The following LRP1B variants were observed in gnomAD, a reference collection of about 807,000 sequenced individuals.
The protein encoded by LRP1B is LDL receptor related protein 1B, also known as low-density lipoprotein receptor-related protein 1B.
In LRP1B, 217 loss-of-function variants were observed where a neutral mutation model predicts 556.6. The observed-to-expected ratio is 0.39, with a 90% CI of 0.35 to 0.44. The LOEUF is 0.44. Among genes scored for constraint, LRP1B ranks in the 20% least tolerant of loss-of-function variants. The probability of loss-of-function intolerance (pLI) is 1.00; values close to 1 mark genes in which losing one functional copy is unlikely to be tolerated. For synonymous variants in LRP1B, 2,047 were observed against 1,865.8 expected (o/e 1.10, Z -2.50); for missense variants, 5,053 against 5,620.8 (o/e 0.90, Z 3.23).
intron 12 of LRP1B, among the ~76,000 whole-genome samples, chr2:141,017,840 T>C (rs1697951044): frequency 6.6e-6 from 1 of 151,300 alleles, no homozygotes; most frequent in Non-Finnish European, 1.5e-5. Context: ...ACAAAAAAAA[T>C]ACAAAAAGTA....
intron 2 of LRP1B, among the ~76,000 whole-genome samples, chr2:141,499,724 G>C (rs751664491): frequency 6.6e-6 from 1 of 151,658 alleles, no homozygotes; most frequent in Non-Finnish European, 1.5e-5. Context: ...GACATGATTG[G>C]CAAATAAAAA....
chr2:141,851,330 A>G (rs1574426983), intron 1 of LRP1B, among the ~76,000 whole-genome samples: 1 of 151,994 alleles, frequency 6.6e-6, no homozygotes, highest in East Asian at 1.9e-4. Context: ...CTTGGTGACC[A>G]TCCCCTAGGT....
At chr2:140,706,184 T>C (rs1208228027) in intron 37 of LRP1B, among the ~76,000 whole-genome samples, 1 of 152,134 alleles carries the variant, frequency 6.6e-6, no homozygotes, top group African/African-American at 2.4e-5. Flanking sequence ...TTTTGACCAG[T>C]AGGTTCAGAC....
intron 20 of LRP1B, among the ~76,000 whole-genome samples, chr2:140,943,707 C>G (rs1306576540): frequency 6.6e-6 from 1 of 151,934 alleles, no homozygotes; most frequent in East Asian, 1.9e-4. Context: ...TATTTAAAAA[C>G]TTCTTTGAAA....
intron 32 of LRP1B, among the ~76,000 whole-genome samples, chr2:140,812,679 A>G (rs1690970248): frequency 6.6e-6 from 1 of 152,036 alleles, no homozygotes; most frequent in Non-Finnish European, 1.5e-5. Context: ...ATTAAAAGGC[A>G]TAAATTTTTA....
chr2:141,175,096 T>G (rs995486974), intron 7 of LRP1B, among the ~76,000 whole-genome samples: 2 of 152,048 alleles, frequency 1.3e-5, no homozygotes, highest in African/African-American at 4.8e-5. Flanking sequence ...GCATTCAAGA[T>G]GTGACCTGGC....
intron 20 of LRP1B, among the ~76,000 whole-genome samples, chr2:140,946,667 C>T (rs542602896): frequency 1.3e-5 from 2 of 152,166 alleles, no homozygotes; most frequent in East Asian, 1.9e-4. Context: ...CCAGCAATCT[C>T]ATTACTCGGT....
At chr2:140,716,871 A>G (rs1377334074) in intron 35 of LRP1B, 55 bp from the exon 36 acceptor site, 3 of 1,082,976 alleles carry the variant, frequency 2.8e-6, no homozygotes, top group Non-Finnish European at 4.0e-6. Flanking sequence ...AAAGGTATCA[A>G]TATCGGTGTT....
chr2:141,360,382 A>T (rs917889217), intron 3 of LRP1B, among the ~76,000 whole-genome samples: 4 of 152,252 alleles, frequency 2.6e-5, no homozygotes, highest in African/African-American at 9.6e-5. Context: ...ATTATCTTGC[A>T]GGAATACTTG....
intron 2 of LRP1B, among the ~76,000 whole-genome samples, chr2:141,602,478 A>T (rs991127738): frequency 6.6e-6 from 1 of 152,226 alleles, no homozygotes; most frequent in African/African-American, 2.4e-5. Context: ...TTTAGAAAGT[A>T]ATTTAAACAT....
rs544196203 is a variant in LRP1B, at chr2:141,059,951, A to G, written c.1237-897T>C. Among the ~76,000 whole-genome samples the G allele has an allele frequency of 5.3e-5, 8 of 151,930 alleles. No homozygotes were observed. The East Asian group carries it at 1.6e-3, about 30-fold the overall frequency. ...GAAGTTGCCACTTGATTTGCTGTAG[A>G]GATTTTGTTGAAAAAGCATCTGTCA... On this transcript the variant is annotated intron_variant, in intron 8 of 90. Transcript: ENST00000389484.
intron 3 of LRP1B, among the ~76,000 whole-genome samples, chr2:141,385,515 T>A (rs1689799533): frequency 6.6e-6 from 1 of 152,108 alleles, no homozygotes; most frequent in Admixed American, 6.5e-5. Context: ...GATGAAAATA[T>A]GTAATGGGTT....
At chr2:141,052,536 A>G (rs977165679) in intron 10 of LRP1B, among the ~76,000 whole-genome samples, 1 of 152,080 alleles carries the variant, frequency 6.6e-6, no homozygotes, top group Non-Finnish European at 1.5e-5. Context: ...TTACAAATAC[A>G]TTTAATTTCC....
At chr2:142,031,011 T>G (rs1459537266) in intron 1 of LRP1B, among the ~76,000 whole-genome samples, 7 of 152,072 alleles carry the variant, frequency 4.6e-5, no homozygotes, top group Non-Finnish European at 1.5e-5. Flanking sequence ...GTAGCATACT[T>G]TCAAGTTCTT....
At chr2:141,904,060 T>C (rs1275366691) in intron 1 of LRP1B, among the ~76,000 whole-genome samples, 1 of 151,878 alleles carries the variant, frequency 6.6e-6, no homozygotes, top group Non-Finnish European at 1.5e-5. Flanking sequence ...CAAAAACGCA[T>C]AGAATCATAT....
chr2:141,149,284 CT>C (rs1270388666), intron 7 of LRP1B, among the ~76,000 whole-genome samples: 1 of 151,908 alleles, frequency 6.6e-6, no homozygotes, highest in East Asian at 1.9e-4. Flanking sequence ...TTTCCTTCCT[CT>C]GACCACTATG....
At chr2:140,721,659 T>G (rs1372265352) in intron 35 of LRP1B, among the ~76,000 whole-genome samples, 2 of 145,168 alleles carry the variant, frequency 1.4e-5, no homozygotes, top group African/African-American at 5.1e-5. Flanking sequence ...GCCATTCTCC[T>G]GCCTCAGCCT....
chr2:141,813,493 A>G (rs1558893443), intron 1 of LRP1B, among the ~76,000 whole-genome samples: 1 of 152,150 alleles, frequency 6.6e-6, no homozygotes. Flanking sequence ...AAAGAGGTCA[A>G]CGTGGCTGCA....
chr2:141,557,383 G>T (rs6747911), intron 2 of LRP1B, among the ~76,000 whole-genome samples: 76,513 of 151,680 alleles, frequency 0.5, 20,272 homozygotes, highest in East Asian at 0.78. Context: ...GATTACCATA[G>T]TAACATACTG....
Sources: allele counts gnomAD v4.1 joint callset (sites outside exome capture counted in the v4.1 genomes callset), GRCh38; gene constraint gnomAD v4.1.1; transcripts MANE v1.5; gene names NCBI Gene and HGNC (gene_info 2026-07-23, HGNC 2026-07-21).